Variants in PCDHA3 observed in about 807,000 individuals in gnomAD.
PCDHA3 encodes the protein protocadherin alpha 3, also known as protocadherin alpha-3.
Under a neutral mutation model 62.2 loss-of-function variants are expected in PCDHA3, and 41 were observed. The observed-to-expected ratio is 0.66, with a 90% CI of 0.51 to 0.86. The LOEUF is 0.86. Among genes scored for constraint, PCDHA3 ranks in the 40% least tolerant of loss-of-function variants. PCDHA3 has a pLI of 0.00. For synonymous variants in PCDHA3, 640 were observed against 555.4 expected (o/e 1.15, Z -2.14); for missense variants, 1,304 against 1,241.2 (o/e 1.05, Z -0.76).
intron 1 of PCDHA3, chr5:140,830,558 T>C: frequency 9.8e-7 from 1 of 1,015,990 alleles, no homozygotes; most frequent in Non-Finnish European, 1.3e-6. Context: ...ATTTGTCTTC[T>C]ATATTTCTGT....
chr5:140,943,057 G>A (rs907618778), intron 1 of PCDHA3, among the ~76,000 whole-genome samples: 2 of 151,996 alleles, frequency 1.3e-5, no homozygotes, highest in African/African-American at 4.8e-5. Context: ...AGGAGTTCAA[G>A]AACAGCCTGA....
intron 1 of PCDHA3, among the ~76,000 whole-genome samples, chr5:140,973,346 T>C (rs1554235179): frequency 1.3e-5 from 2 of 152,198 alleles, no homozygotes; most frequent in Non-Finnish European, 2.9e-5. Flanking sequence ...AGTGACATAG[T>C]AGTGAATTTA....
chr5:140,850,733 G>T (rs2150496499), intron 1 of PCDHA3: 1 of 1,598,010 alleles, frequency 6.3e-7, no homozygotes, highest in East Asian at 2.2e-5. Context: ...GCGCGGTGGG[G>T]AGTTGGTCGT....
intron 1 of PCDHA3, among the ~76,000 whole-genome samples, chr5:140,936,540 G>A (rs1320380132): frequency 6.6e-6 from 1 of 152,174 alleles, no homozygotes; most frequent in East Asian, 1.9e-4. Context: ...TGAATATAGT[G>A]CAATGTAGAA....
At chr5:140,972,925 G>T (rs1297920795) in intron 1 of PCDHA3, among the ~76,000 whole-genome samples, 1 of 152,120 alleles carries the variant, frequency 6.6e-6, no homozygotes, top group Non-Finnish European at 1.5e-5. Context: ...GCCTCCCAAA[G>T]TGCTGGGATT....
At chr5:140,829,649 C>T (rs1554132155) in intron 1 of PCDHA3, 7 of 1,612,288 alleles carry the variant, frequency 4.3e-6, no homozygotes, top group African/African-American at 1.3e-5. Context: ...GGTGTACGCG[C>T]TGCAGCCGCT....
chr5:140,998,908 G>A (rs1203319313), intron 3 of PCDHA3, among the ~76,000 whole-genome samples: 2 of 152,162 alleles, frequency 1.3e-5, no homozygotes, highest in East Asian at 1.9e-4. Context: ...CCTCCGGGAG[G>A]TAGCTATTAT....
At chr5:140,860,165 G>T (rs1045558132) in intron 1 of PCDHA3, 2 of 147,750 alleles carry the variant, frequency 1.4e-5, no homozygotes, top group Admixed American at 1.4e-4. Flanking sequence ...ATATATATAT[G>T]TATATATATA....
intron 1 of PCDHA3, chr5:140,868,465 T>A (rs1460620913): frequency 6.6e-6 from 1 of 152,416 alleles, no homozygotes; most frequent in Non-Finnish European, 1.5e-5. Context: ...AGAGCTGCTT[T>A]TATAAAACTT....
At chr5:140,983,062 G>A (rs575564004) in intron 3 of PCDHA3, among the ~76,000 whole-genome samples, 2 of 152,168 alleles carry the variant, frequency 1.3e-5, no homozygotes, top group South Asian at 4.2e-4. Context: ...TCGGAACCAA[G>A]GCATTGTTTT....
chr5:140,971,580 T>C (rs1028418438), intron 1 of PCDHA3, among the ~76,000 whole-genome samples: 9 of 152,154 alleles, frequency 5.9e-5, no homozygotes, highest in African/African-American at 2.2e-4. Context: ...TTTCTTTTTT[T>C]CCTACCTAGT....
At chr5:140,976,148 C>T (rs1563445972) in intron 1 of PCDHA3, among the ~76,000 whole-genome samples, 1 of 152,160 alleles carries the variant, frequency 6.6e-6, no homozygotes, top group Non-Finnish European at 1.5e-5. Flanking sequence ...AACTCATGTA[C>T]ATTTTACTAC....
rs79304807 is a variant in PCDHA3 at position 140,914,832 on chromosome 5, A to G, written c.2395-64117A>G. ...ACTTAACAGACTGCATAAACAAAAA[A>G]CAAACACACAAAAGGAAGACTAATA... On this transcript the variant is annotated intron_variant, in intron 1 of 3. Transcript: ENST00000522353. 8.0e-3 allele frequency among the ~76,000 whole-genome samples: 1,220 copies of G among 152,292 alleles called. 6 individuals carry two copies. Among genetic ancestry groups the G allele is most frequent in the African/African-American group, 0.019 (787 of 41,574 alleles).
intron 1 of PCDHA3, chr5:140,966,193 G>C (rs1554228123): frequency 4.8e-6 from 1 of 207,392 alleles, no homozygotes; most frequent in Non-Finnish European, 9.5e-6. Flanking sequence ...CAGACTTCTA[G>C]GGGCTTGACT....
chr5:140,973,199 G>A (rs574187280), intron 1 of PCDHA3, among the ~76,000 whole-genome samples: 3 of 152,296 alleles, frequency 2.0e-5, no homozygotes, highest in East Asian at 3.9e-4. Context: ...CACTATGTGT[G>A]CATATTCACC....
chr5:140,980,562 G>A (rs944389305), intron 2 of PCDHA3, among the ~76,000 whole-genome samples: 2 of 152,048 alleles, frequency 1.3e-5, no homozygotes, highest in Non-Finnish European at 2.9e-5. Context: ...CCCGGGAGGC[G>A]GAAGTTGCAG....
At chr5:140,984,968 C>T (rs1380988893) in intron 3 of PCDHA3, among the ~76,000 whole-genome samples, 1 of 151,950 alleles carries the variant, frequency 6.6e-6, no homozygotes, top group South Asian at 2.1e-4. Flanking sequence ...GACAGAGTCT[C>T]GCTCTGTCCC....
intron 1 of PCDHA3, chr5:140,967,750 C>A (rs782284231): frequency 1.4e-5 from 22 of 1,614,072 alleles, no homozygotes; most frequent in Non-Finnish European, 1.7e-6. Flanking sequence ...ATGAGGAAGC[C>A]TCCTCCTACC....
chr5:140,873,240 A>G (rs1008708021), intron 1 of PCDHA3, among the ~76,000 whole-genome samples: 10 of 152,226 alleles, frequency 6.6e-5, no homozygotes, highest in African/African-American at 2.4e-4. Context: ...ATAAAAATAT[A>G]AAATATTTCA....
Sources: allele counts gnomAD v4.1 joint callset (sites outside exome capture counted in the v4.1 genomes callset), GRCh38; gene constraint gnomAD v4.1.1; transcripts MANE v1.5; gene names NCBI Gene and HGNC (gene_info 2026-07-23, HGNC 2026-07-21).